Variants in FCRL2 observed in about 807,000 individuals in gnomAD.
The protein encoded by FCRL2 is Fc receptor-like protein 2.
Under a neutral mutation model 59.8 loss-of-function variants are expected in FCRL2, and 48 were observed. The observed-to-expected ratio is 0.80, with a 90% confidence interval of 0.64 to 1.02. The LOEUF is 1.02. Ranked by LOEUF, FCRL2 falls within the 50% of genes least tolerant of loss-of-function variation. The pLI, the probability that FCRL2 is intolerant of heterozygous loss-of-function variation, is 0.00. For synonymous variants in FCRL2, 251 were observed against 229.5 expected (o/e 1.09, Z -0.85); for missense variants, 658 against 597.3 (o/e 1.10, Z -1.06).
intron 7 of FCRL2, among the ~76,000 whole-genome samples, chr1:157,753,200 T>G (rs1417725419): frequency 1.3e-5 from 2 of 152,162 alleles, no homozygotes; most frequent in Non-Finnish European, 2.9e-5. Context: ...TTTCCAACTC[T>G]TAGGACACTA....
chr1:157,750,922 A>T (rs1249555188), intron 7 of FCRL2, among the ~76,000 whole-genome samples: 1 of 152,212 alleles, frequency 6.6e-6, no homozygotes, highest in Non-Finnish European at 1.5e-5. Flanking sequence ...AACCTCCAAA[A>T]TATTCCAAAA....
At position 157,774,964 on chromosome 1, in the gene FCRL2, A is replaced by C. The variant is rs1268284047; in HGVS notation, c.52+811T>G. Among the ~76,000 whole-genome samples the C allele has an allele frequency of 2.0e-5, 3 of 152,314 alleles. No individual in the cohort carries two copies. The East Asian group carries it at 5.8e-4, about 29-fold the overall frequency. On this transcript the variant is annotated intron_variant, in intron 2 of 11. Coordinates refer to ENST00000361516, the MANE Select transcript of FCRL2 (RefSeq NM_030764.4). ...ATGTGAAGATTCTGTATATAGAATAAAATATTTTTCCCATTGACTTCCTTC... is the reference window on the plus strand; with the variant it reads ...ATGTGAAGATTCTGTATATAGAATACAATATTTTTCCCATTGACTTCCTTC...
At chr1:157,759,247 C>T (rs1331558207) in intron 7 of FCRL2, among the ~76,000 whole-genome samples, 1 of 152,184 alleles carries the variant, frequency 6.6e-6, no homozygotes, top group African/African-American at 2.4e-5. Context: ...CCTTCTCAGT[C>T]ATGTGGAACT....
chr1:157,755,886 G>C (rs1648553545), intron 7 of FCRL2, among the ~76,000 whole-genome samples: 1 of 152,162 alleles, frequency 6.6e-6, no homozygotes, highest in Non-Finnish European at 1.5e-5. Flanking sequence ...CTCTGAGGAA[G>C]GGAACCAAGA....
At chr1:157,748,527 AC>A (rs1448122029) in intron 10 of FCRL2, 25 bp downstream of exon 10, 5 of 1,593,272 alleles carry the variant, frequency 3.1e-6, no homozygotes, top group Admixed American at 3.3e-5. Flanking sequence ...TATGCATCTG[AC>A]AAGAACTACT....
chr1:157,761,000 T>G (rs1048656597), intron 7 of FCRL2, among the ~76,000 whole-genome samples: 1 of 152,234 alleles, frequency 6.6e-6, no homozygotes, highest in South Asian at 2.1e-4. Flanking sequence ...ATGTTTACTA[T>G]GTGGAAGAAA....
Position 157,777,031 on chromosome 1 carries a change from T to A in FCRL2, c.31+12A>T, listed in dbSNP as rs1356918283. 1 of 1,612,634 alleles carries A rather than the reference T, an allele frequency of 6.2e-7. No individual in the cohort carries two copies. Among genetic ancestry groups the A allele is most frequent in the Non-Finnish European group, 8.5e-7 (1 of 1,178,648 alleles). The stretch of plus-strand genomic sequence containing the variant: ...CTGCCACCTCACTTCTCAGTCAAAT[T>A]ATTGAACTCACCAAAGATGACCAGC... On this transcript the variant is annotated intron_variant, in intron 1 of 11. Coordinates refer to ENST00000361516, the MANE Select transcript of FCRL2 (RefSeq NM_030764.4).
Position 157,754,541 on chromosome 1 carries a change from C to T in FCRL2, c.1280-4864G>A, listed in dbSNP as rs925723728. Among the ~76,000 whole-genome samples the T allele has an allele frequency of 3.9e-5, 6 of 152,050 alleles. No individual in the cohort carries two copies. The South Asian group carries it at 6.2e-4, about 16-fold the overall frequency. On this transcript the variant is annotated intron_variant, in intron 7 of 11. Transcript: ENST00000361516. ...TCTTAATAAACTTGCTTTCACTGTA[C>T]GGTATGGACTCGTCCTGAATTCCTT... is the stretch of plus-strand genomic sequence containing the variant.
chr1:157,770,709 G>A, intron 2 of FCRL2, 43 bp from the exon 3 acceptor site: 1 of 1,608,232 alleles, frequency 6.2e-7, no homozygotes, highest in African/African-American at 1.3e-5. Context: ...TTTCTGCAGA[G>A]AACCCAGACA....
intron 1 of FCRL2, 77 bp downstream of exon 1, chr1:157,776,966 T>A: frequency 1.4e-6 from 2 of 1,436,244 alleles, no homozygotes; most frequent in Admixed American, 3.3e-5. Context: ...TGGGCTCCAA[T>A]AAAACCTCCA....
At chr1:157,774,133 G>A (rs1480797778) in intron 2 of FCRL2, among the ~76,000 whole-genome samples, 1 of 152,244 alleles carries the variant, frequency 6.6e-6, no homozygotes, top group Non-Finnish European at 1.5e-5. Flanking sequence ...CTTTGCAAGG[G>A]CAAAGTCCCA....
At chr1:157,760,732 A>AAAGAAAG (rs1649007238) in intron 7 of FCRL2, among the ~76,000 whole-genome samples, 3 of 149,812 alleles carry the variant, frequency 2.0e-5, no homozygotes, top group Admixed American at 6.7e-5. Flanking sequence ...AGAAAGAAAG[A>AAAGAAAG]AAGAAAGAAA....
intron 4 of FCRL2, chr1:157,768,957 A>G (rs923508462): frequency 3.9e-5 from 15 of 388,388 alleles, no homozygotes; most frequent in Non-Finnish European, 6.9e-5. Flanking sequence ...TCCATGAGAC[A>G]GGAAACTGTT....
At chr1:157,764,098 G>A (rs1649316701) in intron 7 of FCRL2, among the ~76,000 whole-genome samples, 1 of 151,914 alleles carries the variant, frequency 6.6e-6, no homozygotes, top group African/African-American at 2.4e-5. Context: ...CAGCTACTTG[G>A]GAGGCTGAGG....
At chr1:157,765,006 A>G (rs2101725609) in intron 7 of FCRL2, among the ~76,000 whole-genome samples, 1 of 152,306 alleles carries the variant, frequency 6.6e-6, no homozygotes, top group South Asian at 2.1e-4. Flanking sequence ...ACTAAAAAAA[A>G]TACAAAGGAT....
intron 7 of FCRL2, 99 bp downstream of exon 7, chr1:157,766,756 G>A (rs777160149): frequency 2.6e-6 from 4 of 1,561,750 alleles, no homozygotes; most frequent in Non-Finnish European, 3.5e-6. Flanking sequence ...TTGGCTTTTG[G>A]AGAGTTTTCT....
chr1:157,746,104 C>G lies in FCRL2; in HGVS notation c.*632G>C, dbSNP rs972990356. ...GTTGAATTAGTAATAAAAAACTTAC[C>G]AACCAACACAAAAGCCCTAGACCAG... On this transcript the variant is annotated 3_prime_UTR_variant, in exon 12 of 12. Coordinates refer to ENST00000361516, the MANE Select transcript of FCRL2 (RefSeq NM_030764.4). The G allele has an allele frequency of 6.6e-6, 1 of 152,106 alleles. No individual in the cohort carries two copies. Among genetic ancestry groups the G allele is most frequent in the African/African-American group, 2.4e-5 (1 of 41,406 alleles). The allele number at this position is 152,106 out of a possible 1,614,324, so 9.4% of individuals were successfully genotyped here.
rs750653472 is a variant in FCRL2 at position 157,777,042 on chromosome 1, C to T, written c.31+1G>A. 1.2e-6 allele frequency: 2 copies of T among 1,613,906 alleles called. No homozygotes were observed. Among genetic ancestry groups the T allele is most frequent in the Admixed American group, 3.3e-5 (2 of 60,026 alleles). ...CTTCTCAGTCAAATTATTGAACTCA[C>T]CAAAGATGACCAGCAATGACCACAG... On this transcript the variant is annotated splice_donor_variant, in intron 1 of 11. Coordinates refer to ENST00000361516, the MANE Select transcript of FCRL2 (RefSeq NM_030764.4). LOFTEE classifies it high-confidence loss of function.
intron 8 of FCRL2, among the ~76,000 whole-genome samples, 189 bp downstream of exon 8, chr1:157,749,461 G>A (rs1648015245): frequency 6.6e-6 from 1 of 152,154 alleles, no homozygotes; most frequent in South Asian, 2.1e-4. Flanking sequence ...CAAGGATCAT[G>A]TGGACCACCT....
Sources: allele counts gnomAD v4.1 joint callset (sites outside exome capture counted in the v4.1 genomes callset), GRCh38; gene constraint gnomAD v4.1.1; transcripts MANE v1.5; gene names NCBI Gene and HGNC (gene_info 2026-07-23, HGNC 2026-07-21).